NAALADL1: variants seen among roughly 807,000 people sequenced by gnomAD.
NAALADL1 encodes the protein aminopeptidase NAALADL1.
A neutral mutation model predicts 82.8 loss-of-function variants in NAALADL1; 77 were observed. The observed-to-expected ratio is 0.93, with a 90% CI of 0.77 to 1.12. The LOEUF (loss-of-function observed/expected upper bound fraction) is 1.12, where lower values mean the gene tolerates loss of function less well. Ranked by LOEUF, NAALADL1 falls within the 50% of genes most tolerant of loss-of-function variation. NAALADL1 has a pLI of 0.00. For synonymous variants in NAALADL1, 358 were observed against 399.2 expected, an observed-to-expected ratio of 0.90 and a Z score of 1.23; for missense variants, 956 against 964.0, an observed-to-expected ratio of 0.99 and a Z score of 0.11.
intron 8 of NAALADL1, among the ~76,000 whole-genome samples, chr11:65,050,370 C>T (rs1946853592): frequency 6.6e-6 from 1 of 150,746 alleles, no homozygotes; most frequent in South Asian, 2.1e-4. Context: ...CCCAGCTACT[C>T]GGGAGGGTGA....
intron 8 of NAALADL1, among the ~76,000 whole-genome samples, chr11:65,052,838 C>T (rs530812508): frequency 2.6e-4 from 40 of 152,336 alleles, no homozygotes; most frequent in Non-Finnish European, 4.6e-4. Context: ...CACTGAGAGA[C>T]TTGTCCCAAC....
chr11:65,057,745 GT>G (rs1947081201), intron 3 of NAALADL1, 129 bp downstream of exon 3: 1 of 1,400,740 alleles, frequency 7.1e-7, no homozygotes, highest in African/African-American at 1.4e-5. Flanking sequence ...GCGATGGAGT[GT>G]CCCGGTGAGT....
intron 4 of NAALADL1, among the ~76,000 whole-genome samples, chr11:65,055,606 T>C (rs1947015925): frequency 2.6e-5 from 4 of 152,084 alleles, no homozygotes; most frequent in Admixed American, 2.6e-4. Flanking sequence ...GTACCTAGAA[T>C]AGGCAAATTC....
chr11:65,051,142 T>A (rs940114149), intron 8 of NAALADL1, among the ~76,000 whole-genome samples: 2 of 151,978 alleles, frequency 1.3e-5, no homozygotes, highest in African/African-American at 4.8e-5. Context: ...AATATGGGAA[T>A]TTCTGCGCTA....
chr11:65,060,129 T>C (rs1947157265), upstream of NAALADL1, among the ~76,000 whole-genome samples: 1 of 151,276 alleles, frequency 6.6e-6, no homozygotes, highest in African/African-American at 2.4e-5. Context: ...AGAGCGTGTG[T>C]GTGTGTGTGT....
intron 8 of NAALADL1, among the ~76,000 whole-genome samples, chr11:65,051,846 C>G (rs1946899049): frequency 6.6e-6 from 1 of 152,122 alleles, no homozygotes; most frequent in Non-Finnish European, 1.5e-5. Flanking sequence ...CTTAATGCCA[C>G]TGAATCAAAT....
At position 65,057,400 on chromosome 11, in the gene NAALADL1, G is replaced by A. The variant is rs554771655; in HGVS notation, c.574C>T (p.Arg192Ter). 27 of 1,613,902 alleles carry A rather than the reference G, an allele frequency of 1.7e-5. No individual in the cohort carries two copies. Among genetic ancestry groups the A allele is most frequent in the South Asian group, 3.3e-5 (3 of 91,066 alleles). The change falls in exon 4 of 18, where the codon CGA (arginine) becomes TGA (stop). Residue 192 changes from arginine (R) to a stop codon, truncating the protein, a stop_gained. Coordinates refer to ENST00000358658, the MANE Select transcript of NAALADL1 (RefSeq NM_005468.3). LOFTEE classifies it high-confidence loss of function. ...IKLEGTIALT[R>*]YGGVGRGAKA... ...GCCCCACGCCCTACACCCCCATATCGAGTCAGGGCAATGGTGCCTTCAAGT... is the reference window on the plus strand; with the variant it reads ...GCCCCACGCCCTACACCCCCATATCAAGTCAGGGCAATGGTGCCTTCAAGT...
At position 65,057,352 on chromosome 11, in the gene NAALADL1, C is replaced by T. The variant is rs372058347; in HGVS notation, c.603+19G>A. 1.9e-5 allele frequency: 31 copies of T among 1,596,814 alleles called. No homozygotes were observed. The South Asian group carries it at 3.4e-4, about 17-fold the overall frequency. The stretch of plus-strand genomic sequence containing the variant: ...CCCTTCCTCACCGAGGCCTCCTGCA[C>T]TGGGGGACTGCCACTCACCTTGGCC... On this transcript the variant is annotated intron_variant, in intron 4 of 17. Transcript: ENST00000358658.
chr11:65,049,996 C>T (rs60887110), intron 8 of NAALADL1, among the ~76,000 whole-genome samples: 2 of 151,682 alleles, frequency 1.3e-5, no homozygotes, highest in African/African-American at 4.8e-5. Flanking sequence ...CTGCCTCAGC[C>T]TCCCGAGTAG....
rs754573477 is a variant in NAALADL1, at chr11:65,047,464, C to T, written c.1599+11G>A. 1.3e-6 allele frequency: 2 copies of T among 1,554,644 alleles called. No homozygotes were observed. Among genetic ancestry groups the T allele is most frequent in the Admixed American group, 1.9e-5 (1 of 51,384 alleles). ...AGGTACCGAGGCAGGGACGGAGGGG[C>T]GCCTGCTCACCCGGTCATAGGTATA... On this transcript the variant is annotated intron_variant, in intron 13 of 17. Transcript: ENST00000358658.
chr11:65,049,604 C>A (rs113330846), intron 8 of NAALADL1, among the ~76,000 whole-genome samples: 1 of 152,156 alleles, frequency 6.6e-6, no homozygotes. Context: ...GGCACAGTGG[C>A]TCACGCCTGT....
upstream of NAALADL1, among the ~76,000 whole-genome samples, chr11:65,059,259 G>A (rs1449282554): frequency 6.6e-6 from 1 of 152,130 alleles, no homozygotes; most frequent in East Asian, 1.9e-4. Flanking sequence ...GTGATCACCC[G>A]CCTCAGCCTC....
intron 11 of NAALADL1, 90 bp from the exon 12 acceptor site, chr11:65,047,828 G>A: frequency 6.8e-7 from 1 of 1,479,186 alleles, no homozygotes; most frequent in South Asian, 1.2e-5. Context: ...GCCCACCCGT[G>A]GTCCAGTCCT....
intron 8 of NAALADL1, among the ~76,000 whole-genome samples, chr11:65,049,123 C>T (rs147069637): frequency 8.5e-5 from 13 of 152,240 alleles, no homozygotes; most frequent in African/African-American, 2.4e-4. Context: ...TGGGGTCCGG[C>T]GATCCTCTCA....
At chr11:65,047,892 TCCCCA>T in intron 11 of NAALADL1, 84 bp downstream of exon 11, 6 of 1,367,780 alleles carry the variant, frequency 4.4e-6, no homozygotes, top group Non-Finnish European at 6.0e-6. Flanking sequence ...AGAGTACCAC[TCCCCA>T]GCCCCGCCCA....
chr11:65,058,140 G>A lies in NAALADL1; in HGVS notation c.296C>T (p.Ala99Val). Residue 99 changes from alanine (A) to valine (V), a missense_variant, in exon 2 of 18, where the codon GCC (alanine) becomes GTC (valine). Physicochemically the swap from Ala to Val is moderately conservative, Grantham distance 64. Coordinates refer to ENST00000358658, the MANE Select transcript of NAALADL1 (RefSeq NM_005468.3). ...GGACAGCAGCACTTCGTACGTGGAG[G>A]CCTCGGCCGAGTCCAGGCCTGACTC... ...DPESGLDSAE[A>V]STYEVLLSFP... The A allele has an allele frequency of 6.2e-7, 1 of 1,613,870 alleles. No individual in the cohort carries two copies. The highest frequency in any genetic ancestry group is 8.5e-7 in the Non-Finnish European group (1 of 1,179,884).
chr11:65,045,099 G>A lies in NAALADL1; in HGVS notation c.*172C>T. 1.4e-6 allele frequency: 1 copy of A among 721,866 alleles called. No individual in the cohort carries two copies. The highest frequency in any genetic ancestry group is 1.9e-5 in the South Asian group (1 of 51,508). The allele number at this position is 721,866 out of a possible 1,614,324, so 44.7% of individuals were successfully genotyped here. A position where few individuals can be genotyped will look rare whatever the true frequency, so the allele number is the denominator to read the frequency against. ...GCCACCTAAGCACCAGGATGAGGGT[G>A]AGTTGCATTAGGGCTTGCCACTCCC... On this transcript the variant is annotated 3_prime_UTR_variant, in exon 18 of 18. Coordinates refer to ENST00000358658, the MANE Select transcript of NAALADL1 (RefSeq NM_005468.3).
At chr11:65,060,858 T>G (rs1947178705), upstream of NAALADL1, among the ~76,000 whole-genome samples, 1 of 152,144 alleles carries the variant, frequency 6.6e-6, no homozygotes, top group African/African-American at 2.4e-5. Flanking sequence ...CCTTTCATTT[T>G]CCTGCCTTAT....
intron 8 of NAALADL1, among the ~76,000 whole-genome samples, chr11:65,051,595 G>A (rs1358525817): frequency 3.3e-5 from 5 of 151,964 alleles, no homozygotes; most frequent in Non-Finnish European, 7.4e-5. Context: ...GCCTTCGAAA[G>A]TGCAGGGATA....
Sources: allele counts gnomAD v4.1 joint callset (sites outside exome capture counted in the v4.1 genomes callset), GRCh38; gene constraint gnomAD v4.1.1; transcripts MANE v1.5; gene names NCBI Gene and HGNC (gene_info 2026-07-23, HGNC 2026-07-21).